SRXN1: variants seen among roughly 807,000 people sequenced by gnomAD.
The protein encoded by SRXN1 is sulfiredoxin 1.
Under a neutral mutation model 11.0 loss-of-function variants are expected in SRXN1, and 11 were observed. The ratio of observed to expected loss-of-function variants is 1.00; its 90% confidence interval spans 0.63 to 1.65. The LOEUF is 1.65. Ranked by LOEUF, SRXN1 falls within the 40% of genes most tolerant of loss-of-function variation. SRXN1 has a pLI of 0.00. For missense variants in SRXN1, 211 were observed against 194.5 expected, an observed-to-expected ratio of 1.08 and a Z score of -0.50; for synonymous variants, 106 against 92.8, an observed-to-expected ratio of 1.14 and a Z score of -0.82.
Position 653,067 on chromosome 20 carries a change from G to C in SRXN1, c.119C>G (p.Ala40Gly). The C allele has an allele frequency of 6.6e-7, 1 of 1,523,552 alleles. No homozygotes were observed. The highest frequency in any genetic ancestry group is 8.8e-7 in the Non-Finnish European group (1 of 1,139,352). The allele number at this position is 1,523,552 out of a possible 1,614,324, so 94.4% of individuals were successfully genotyped here. ...CACGCTCAGCGGCACGTTGTGCACC[G>C]CGGCGATGCGGCCCGAGTGGATGCT... ...GGSIHSGRIA[A>G]VHNVPLSVLI... Residue 40 changes from alanine (A) to glycine (G), a missense_variant, in exon 1 of 2, where the codon GCG becomes GGG. By Grantham distance (60) the Ala-to-Gly change is moderately conservative. Coordinates refer to ENST00000381962, the MANE Select transcript of SRXN1 (RefSeq NM_080725.3).
In SRXN1 at chr20:648,767, T is replaced by C. The variant is rs1983600250; in HGVS notation, c.361A>G (p.Thr121Ala). The change falls in exon 2 of 2, where the codon ACT (threonine) becomes GCT (alanine). Residue 121 changes from threonine to alanine, a missense_variant. By Grantham distance (58) the Thr-to-Ala change is moderately conservative (BLOSUM62 0). Transcript: ENST00000381962. ...AGGTACACCCTTAGGTCTGAGAGAG[T>C]GGACTGGACAAGCTTGGCGGGGATG... is the stretch of plus-strand genomic sequence containing the variant. ...ETIPAKLVQS[T>A]LSDLRVYLGA... 4.3e-6 allele frequency: 7 copies of C among 1,613,968 alleles called. No individual in the cohort carries two copies. The highest frequency in any genetic ancestry group is 5.9e-6 in the Non-Finnish European group (7 of 1,180,020).
chr20:648,573 G>T lies in SRXN1; in HGVS notation c.*141C>A. On this transcript the variant is annotated 3_prime_UTR_variant, in exon 2 of 2. Coordinates refer to ENST00000381962, the MANE Select transcript of SRXN1 (RefSeq NM_080725.3). ...GTGAGTCCAAGGCCTTGTAGCTGGT[G>T]AGAGGGGTGCCCAGAGTCAGACCCT... The T allele has an allele frequency of 1.1e-6, 1 of 929,750 alleles. No homozygotes were observed. The highest frequency in any genetic ancestry group is 1.5e-5 in the South Asian group (1 of 65,864). 57.6% of individuals were successfully genotyped at this position (929,750 alleles called of 1,614,324 possible). A position where few individuals can be genotyped will look rare whatever the true frequency, so the allele number is the denominator to read the frequency against.
chr20:649,075 C>T (rs1413396899), intron 1 of SRXN1, among the ~76,000 whole-genome samples, 158 bp from the exon 2 acceptor site: 1 of 152,238 alleles, frequency 6.6e-6, no homozygotes, highest in Non-Finnish European at 1.5e-5. Context: ...AGCTGTTCGA[C>T]ATCACCTTGT....
intron 1 of SRXN1, among the ~76,000 whole-genome samples, chr20:650,217 C>G (rs896937613): frequency 2.0e-5 from 3 of 152,182 alleles, no homozygotes; most frequent in South Asian, 2.1e-4. Flanking sequence ...CACAGGAGAA[C>G]AGACTTGGCA....
rs1223383758 is a variant in SRXN1 at position 653,108 on chromosome 20, G to T, written c.78C>A (p.Gly26=). The T allele has an allele frequency of 7.0e-7, 1 of 1,424,890 alleles. No individual in the cohort carries two copies. The highest frequency in any genetic ancestry group is 2.6e-5 in the Admixed American group (1 of 38,484). 88.3% of individuals were successfully genotyped at this position (1,424,890 alleles called of 1,614,324 possible). ...AGTGGATGCTGCCGCCCTGCGCGCC[G>T]CCGCTCGGCCCGGGCCCCTCGGGCG... ...RGAPEGPGPS[G]GAQGGSIHSG... The change falls in exon 1 of 2, where the codon GGC becomes GGA. Residue 26 remains glycine (G), a synonymous_variant. Transcript: ENST00000381962.
chr20:650,938 C>T (rs1048713393), intron 1 of SRXN1, among the ~76,000 whole-genome samples: 2 of 152,212 alleles, frequency 1.3e-5, no homozygotes, highest in Non-Finnish European at 2.9e-5. Context: ...GGAGAAGGGA[C>T]TTGGCAGACA....
chr20:648,498 C>T lies in SRXN1; in HGVS notation c.*216G>A, dbSNP rs1486252422. ...TCTCGGTAATGCTTCAAGGGTAAGG[C>T]CATGATCCTATTGTCACAGAGGTGG... On this transcript the variant is annotated 3_prime_UTR_variant, in exon 2 of 2. Coordinates refer to ENST00000381962, the MANE Select transcript of SRXN1 (RefSeq NM_080725.3). 3.0e-6 allele frequency: 2 copies of T among 659,418 alleles called. No homozygotes were observed. The highest frequency in any genetic ancestry group is 3.6e-5 in the African/African-American group (2 of 55,790). The allele number at this position is 659,418 out of a possible 1,614,324, so 40.8% of individuals were successfully genotyped here. A position where few individuals can be genotyped will look rare whatever the true frequency, so the allele number is the denominator to read the frequency against.
chr20:648,919 T>C lies in SRXN1; in HGVS notation c.211-2A>G. ...GGGGGGCACGCTGTCTGGGTCCTCC[T>C]GGGGAGAAGAGGCACAGAGTCAATG... On this transcript the variant is annotated splice_acceptor_variant, in intron 1 of 1. Coordinates refer to ENST00000381962, the MANE Select transcript of SRXN1 (RefSeq NM_080725.3). LOFTEE classifies it high-confidence loss of function. The C allele has an allele frequency of 1.2e-6, 2 of 1,613,968 alleles. No individual in the cohort carries two copies. Among genetic ancestry groups the C allele is most frequent in the Non-Finnish European group, 1.7e-6 (2 of 1,179,966 alleles).
At chr20:649,672 A>G (rs1341037527) in intron 1 of SRXN1, among the ~76,000 whole-genome samples, 5 of 151,414 alleles carry the variant, frequency 3.3e-5, no homozygotes, top group Non-Finnish European at 5.9e-5. Flanking sequence ...ATTGCACTCC[A>G]GCCTCGGCGA....
Position 647,909 on chromosome 20 carries a change from G to A in SRXN1, c.*805C>T, listed in dbSNP as rs1263743784. The A allele has an allele frequency of 2.8e-6, 1 of 359,510 alleles. No individual in the cohort carries two copies. The highest frequency in any genetic ancestry group is 5.5e-6 in the Non-Finnish European group (1 of 181,632). 22.3% of individuals were successfully genotyped at this position (359,510 alleles called of 1,614,324 possible). ...TTTTATTGCAGGAGGCAGTGTGCCA[G>A]TCTCAGTAGATGGAACACGATTGGT... On this transcript the variant is annotated 3_prime_UTR_variant, in exon 2 of 2. Coordinates refer to ENST00000381962, the MANE Select transcript of SRXN1 (RefSeq NM_080725.3).
In SRXN1 at chr20:648,765, A is replaced by C; in HGVS notation, c.363T>G (p.Thr121=). The part of the protein sequence containing the change: ...ETIPAKLVQS[T]LSDLRVYLGA... ...CCAGGTACACCCTTAGGTCTGAGAGAGTGGACTGGACAAGCTTGGCGGGGA... is the reference window on the plus strand; with the variant it reads ...CCAGGTACACCCTTAGGTCTGAGAGCGTGGACTGGACAAGCTTGGCGGGGA... Residue 121 remains threonine (T), a synonymous_variant, in exon 2 of 2, where the codon ACT becomes ACG. Transcript: ENST00000381962. 1.2e-6 allele frequency: 2 copies of C among 1,614,204 alleles called. No individual in the cohort carries two copies. Among genetic ancestry groups the C allele is most frequent in the Non-Finnish European group, 1.7e-6 (2 of 1,180,030 alleles).
In SRXN1 at chr20:653,170, C is replaced by T; in HGVS notation, c.16G>A (p.Gly6Arg). The part of the protein sequence containing the change: MGLRA[G>R]GTLGRAGAGR... ...GCGCCGGCCCTGCCCAGCGTTCCTC[C>T]TGCACGCAGCCCCATCGTCGCCGCC... is the stretch of plus-strand genomic sequence containing the variant. Residue 6 changes from glycine (G) to arginine (R), a missense_variant, in exon 1 of 2, where the codon GGA becomes AGA. Gly to Arg is a moderately radical substitution (Grantham distance 125). Transcript: ENST00000381962. The T allele has an allele frequency of 6.3e-6, 8 of 1,265,438 alleles. No individual in the cohort carries two copies. Among genetic ancestry groups the T allele is most frequent in the Non-Finnish European group, 7.9e-6 (8 of 1,007,734 alleles). The allele number at this position is 1,265,438 out of a possible 1,614,324, so 78.4% of individuals were successfully genotyped here.
chr20:652,865 G>C, intron 1 of SRXN1, 111 bp downstream of exon 1: 1 of 1,294,018 alleles, frequency 7.7e-7, no homozygotes, highest in Non-Finnish European at 9.9e-7. Context: ...CTGAGCTCCG[G>C]CTGGGCCCGG....
chr20:651,691 A>G (rs1427033875), intron 1 of SRXN1, among the ~76,000 whole-genome samples: 1 of 152,006 alleles, frequency 6.6e-6, no homozygotes, highest in Non-Finnish European at 1.5e-5. Flanking sequence ...CTTAAAAAAA[A>G]AAAAAAAAAG....
chr20:647,477 G>A lies in SRXN1; in HGVS notation c.*1237C>T, dbSNP rs759131848. The A allele has an allele frequency of 1.8e-4, 29 of 158,312 alleles. No homozygotes were observed. The highest frequency in any genetic ancestry group is 2.4e-4 in the Non-Finnish European group (17 of 71,582). 9.8% of individuals were successfully genotyped at this position (158,312 alleles called of 1,614,324 possible). A position where few individuals can be genotyped will look rare whatever the true frequency, so the allele number is the denominator to read the frequency against. ...ACTTAGCAGAAGTGACACTGTCCTA[G>A]TCCCAGTTCCAGGCCAAGAACTCAA... is the stretch of plus-strand genomic sequence containing the variant. On this transcript the variant is annotated 3_prime_UTR_variant, in exon 2 of 2. Coordinates refer to ENST00000381962, the MANE Select transcript of SRXN1 (RefSeq NM_080725.3).
At chr20:651,675 C>A (rs1231980480) in intron 1 of SRXN1, among the ~76,000 whole-genome samples, 77 of 140,816 alleles carry the variant, frequency 5.5e-4, no homozygotes, top group African/African-American at 1.9e-3. Flanking sequence ...CAGACCCAGA[C>A]AACGTCTTAA....
In SRXN1 at chr20:653,153, C is replaced by G; in HGVS notation, c.33G>C (p.Arg11Ser). The G allele has an allele frequency of 7.8e-7, 1 of 1,276,884 alleles. No individual in the cohort carries two copies. Among genetic ancestry groups the G allele is most frequent in the Non-Finnish European group, 9.8e-7 (1 of 1,016,110 alleles). 79.1% of individuals were successfully genotyped at this position (1,276,884 alleles called of 1,614,324 possible). Residue 11 changes from arginine (R) to serine (S), a missense_variant, in exon 1 of 2, where the codon AGG (arginine) becomes AGC (serine). By Grantham distance (110) the Arg-to-Ser change is moderately radical. Transcript: ENST00000381962. ...CGGGCGCCCCCCGACCCGCGCCGGC[C>G]CTGCCCAGCGTTCCTCCTGCACGCA... MGLRAGGTLG[R>S]AGAGRGAPEG...
At position 648,527 on chromosome 20, in the gene SRXN1, C is replaced by A; in HGVS notation, c.*187G>T. ...GATCCTATTGTCACAGAGGTGGGAACTGGGGCTCCCACACTGTACAGTGAG... is the reference window on the plus strand; with the variant it reads ...GATCCTATTGTCACAGAGGTGGGAAATGGGGCTCCCACACTGTACAGTGAG... On this transcript the variant is annotated 3_prime_UTR_variant, in exon 2 of 2. Coordinates refer to ENST00000381962, the MANE Select transcript of SRXN1 (RefSeq NM_080725.3). 8.9e-6 allele frequency: 6 copies of A among 674,060 alleles called. No homozygotes were observed. The highest frequency in any genetic ancestry group is 6.9e-5 in the Admixed American group (3 of 43,612). The allele number at this position is 674,060 out of a possible 1,614,324, so 41.8% of individuals were successfully genotyped here.
In SRXN1 at chr20:653,057, G is replaced by A. The variant is rs1203593605; in HGVS notation, c.129C>T (p.Asn43=). 6 of 1,545,294 alleles carry A rather than the reference G, an allele frequency of 3.9e-6. No individual in the cohort carries two copies. The highest frequency in any genetic ancestry group is 1.9e-5 in the Admixed American group (1 of 53,486). Residue 43 remains asparagine, a synonymous_variant, in exon 1 of 2, where the codon AAC becomes AAT. Transcript: ENST00000381962. ...GCCGGATGAGCACGCTCAGCGGCAC[G>A]TTGTGCACCGCGGCGATGCGGCCCG... ...IHSGRIAAVH[N]VPLSVLIRPL...
Sources: allele counts gnomAD v4.1 joint callset (sites outside exome capture counted in the v4.1 genomes callset), GRCh38; gene constraint gnomAD v4.1.1; transcripts MANE v1.5; gene names NCBI Gene and HGNC (gene_info 2026-07-23, HGNC 2026-07-21).